ITGB2: variants seen among roughly 807,000 people sequenced by gnomAD.
ITGB2 encodes the protein integrin subunit beta 2, also known as integrin beta-2.
A neutral mutation model predicts 86.8 loss-of-function variants in ITGB2; 56 were observed. The observed-to-expected ratio is 0.65, with a 90% CI of 0.52 to 0.81. ITGB2 has a LOEUF of 0.81. Among genes scored for constraint, ITGB2 ranks in the 30% least tolerant of loss-of-function variants. The pLI is 0.00. For missense variants in ITGB2, 948 were observed against 1,061.2 expected, an observed-to-expected ratio of 0.89 and a Z score of 1.48; for synonymous variants, 457 against 450.4, an observed-to-expected ratio of 1.01 and a Z score of -0.19.
intron 14 of ITGB2, 44 bp downstream of exon 14, chr21:44,888,649 C>G: frequency 1.3e-6 from 2 of 1,593,712 alleles, no homozygotes; most frequent in Non-Finnish European, 1.7e-6. Context: ...GACCCCGCAG[C>G]CGGAGCTCTG....
chr21:44,888,405 T>TGGTGGGCCTGCC (rs1395811985), intron 14 of ITGB2, among the ~76,000 whole-genome samples: 5 of 152,270 alleles, frequency 3.3e-5, no homozygotes, highest in Non-Finnish European at 5.9e-5. Flanking sequence ...TGTGGCATGC[T>TGGTGGGCCTGCC]GGTGGGCCTG....
At position 44,899,131 on chromosome 21, in the gene ITGB2, T is replaced by G. The variant is rs1322584521; in HGVS notation, c.929A>C (p.Lys310Thr). 1 of 1,614,194 alleles carries G rather than the reference T, an allele frequency of 6.2e-7. No individual in the cohort carries two copies. The highest frequency in any genetic ancestry group is 8.5e-7 in the Non-Finnish European group (1 of 1,180,008). Residue 310 changes from lysine (K) to threonine (T), a missense_variant, in exon 8 of 16, where the codon AAG becomes ACG. Lys to Thr is a moderately conservative substitution (Grantham distance 78). Transcript: ENST00000652462. Reference protein sequence around the residue: ...DYPSVGQLAHKLAENNIQPIF... With the variant: ...DYPSVGQLAHTLAENNIQPIF... Reference sequence around the variant, plus strand: ...GGGCTGGATGTTGTTTTCAGCCAGCTTGTGCGCCAGCTGGCCCACCGATGG... The same window carrying G: ...GGGCTGGATGTTGTTTTCAGCCAGCGTGTGCGCCAGCTGGCCCACCGATGG...
chr21:44,925,108 C>T (rs1455253894), upstream of ITGB2, among the ~76,000 whole-genome samples: 4 of 150,834 alleles, frequency 2.7e-5, no homozygotes, highest in East Asian at 7.7e-4. Context: ...GCTCTCCATG[C>T]TGTTCTGTAT....
At chr21:44,915,087 G>C (rs1052123553) in intron 1 of ITGB2, among the ~76,000 whole-genome samples, 3 of 152,214 alleles carry the variant, frequency 2.0e-5, no homozygotes, top group South Asian at 2.1e-4. Flanking sequence ...GCAGTGGCGC[G>C]ATCTCAGCTC....
At chr21:44,927,255 G>A (rs2084384240) in intron 1 of ITGB2, among the ~76,000 whole-genome samples, 1 of 152,188 alleles carries the variant, frequency 6.6e-6, no homozygotes, top group African/African-American at 2.4e-5. Context: ...AGTGGGGAGA[G>A]GGTGGTTCCA....
At chr21:44,922,954 C>T (rs896434662), upstream of ITGB2, 3 of 152,218 alleles carry the variant, frequency 2.0e-5, no homozygotes, top group African/African-American at 7.2e-5. Flanking sequence ...AAAGAGAATA[C>T]CATTCTACTA....
intron 3 of ITGB2, chr21:44,909,209 G>A (rs1302154020): frequency 6.6e-6 from 1 of 152,412 alleles, no homozygotes; most frequent in East Asian, 1.9e-4. Context: ...GGGAGGCCGG[G>A]GGGATGCCGT....
intron 3 of ITGB2, among the ~76,000 whole-genome samples, chr21:44,907,435 T>C (rs1333900394): frequency 6.6e-6 from 1 of 152,208 alleles, no homozygotes; most frequent in African/African-American, 2.4e-5. Flanking sequence ...CTTCAAGCCC[T>C]TCATCAGCAG....
chr21:44,891,487 GC>G (rs2083784710), intron 11 of ITGB2, among the ~76,000 whole-genome samples: 1 of 152,202 alleles, frequency 6.6e-6, no homozygotes, highest in South Asian at 2.1e-4. Flanking sequence ...GACTCCTTGT[GC>G]CCCTGAGATG....
In ITGB2 at chr21:44,900,445, G is replaced by T; in HGVS notation, c.772C>A (p.Leu258Met). 6.2e-7 allele frequency: 1 copy of T among 1,614,014 alleles called. No individual in the cohort carries two copies. The highest frequency in any genetic ancestry group is 8.5e-7 in the Non-Finnish European group (1 of 1,179,958). Residue 258 changes from leucine (L) to methionine (M), a missense_variant, in exon 7 of 16, where the codon CTG becomes ATG. Transcript: ENST00000652462. ...EEIGWRNVTR[L>M]LVFATDDGFH... The stretch of plus-strand genomic sequence containing the variant: ...CCGTCATCAGTGGCAAACACCAGCA[G>T]CCGCGTGACGTTGCGCCAGCCGATT...
chr21:44,888,973 G>T, intron 13 of ITGB2, 78 bp from the exon 14 acceptor site: 2 of 1,364,534 alleles, frequency 1.5e-6, no homozygotes, highest in Middle Eastern at 2.4e-4. Context: ...TTGGGTGTGT[G>T]TCCACCAGGG....
At chr21:44,902,172 C>A (rs558358679) in intron 5 of ITGB2, among the ~76,000 whole-genome samples, 1 of 152,320 alleles carries the variant, frequency 6.6e-6, no homozygotes, top group African/African-American at 2.4e-5. Flanking sequence ...ACGTAGGTGA[C>A]CAGGTACATA....
intron 11 of ITGB2, 65 bp from the exon 12 acceptor site, chr21:44,890,287 C>A: frequency 6.2e-7 from 1 of 1,602,102 alleles, no homozygotes; most frequent in South Asian, 1.1e-5. Context: ...GACAGCCGCC[C>A]TGTCCTCCAG....
Position 44,886,223 on chromosome 21 carries a change from G to C in ITGB2, c.*145C>G. On this transcript the variant is annotated 3_prime_UTR_variant, in exon 16 of 16. Coordinates refer to ENST00000652462, the MANE Select transcript of ITGB2 (RefSeq NM_000211.5). ...GACGAGCCCCCAGAAGCACCCGGCC[G>C]GCCATGGCTGTCATTTTGAGGGCGG... The C allele has an allele frequency of 1.2e-6, 1 of 803,626 alleles. No homozygotes were observed. The highest frequency in any genetic ancestry group is 2.2e-6 in the Non-Finnish European group (1 of 464,886). The allele number at this position is 803,626 out of a possible 1,614,324, so 49.8% of individuals were successfully genotyped here. A position where few individuals can be genotyped will look rare whatever the true frequency, so the allele number is the denominator to read the frequency against.
chr21:44,909,420 G>C (rs569365222), intron 3 of ITGB2: 1 of 152,466 alleles, frequency 6.6e-6, no homozygotes, highest in South Asian at 2.1e-4. Flanking sequence ...CCCAAGGACA[G>C]GAAAGACAAA....
chr21:44,903,255 C>T (rs2083991773), intron 5 of ITGB2, 110 bp downstream of exon 5: 2 of 1,399,496 alleles, frequency 1.4e-6, no homozygotes, highest in Non-Finnish European at 2.0e-6. Context: ...CATCTGGGGC[C>T]CCCAGATCTA....
rs568496327 is a variant in ITGB2, at chr21:44,897,998, C to T, written c.993+1069G>A. Among the ~76,000 whole-genome samples the T allele has an allele frequency of 2.0e-5, 3 of 152,332 alleles. No individual in the cohort carries two copies. The East Asian group carries it at 5.8e-4, about 29-fold the overall frequency. ...ACACATGCCAAAGAGTGGTAGACCC[C>T]GGCTGAGCTCCTGAGAGGTAGCCTC... On this transcript the variant is annotated intron_variant, in intron 8 of 15. Coordinates refer to ENST00000652462, the MANE Select transcript of ITGB2 (RefSeq NM_000211.5).
chr21:44,926,629 C>A (rs1047702583), intron 1 of ITGB2, among the ~76,000 whole-genome samples: 1 of 152,192 alleles, frequency 6.6e-6, no homozygotes, highest in East Asian at 1.9e-4. Flanking sequence ...GTCAGGTGGG[C>A]GAAACTGGCC....
In ITGB2 at chr21:44,886,208, C is replaced by A. The variant is rs1024527798; in HGVS notation, c.*160G>T. The A allele has an allele frequency of 2.1e-5, 15 of 718,364 alleles. No individual in the cohort carries two copies. Among genetic ancestry groups the A allele is most frequent in the Non-Finnish European group, 3.5e-5 (14 of 401,918 alleles). The allele number at this position is 718,364 out of a possible 1,614,324, so 44.5% of individuals were successfully genotyped here. ...TGGAGCTGTCCCCCCGACGAGCCCCCAGAAGCACCCGGCCGGCCATGGCTG... is the reference window on the plus strand; with the variant it reads ...TGGAGCTGTCCCCCCGACGAGCCCCAAGAAGCACCCGGCCGGCCATGGCTG... On this transcript the variant is annotated 3_prime_UTR_variant, in exon 16 of 16. Transcript: ENST00000652462.
Sources: allele counts gnomAD v4.1 joint callset (sites outside exome capture counted in the v4.1 genomes callset), GRCh38; gene constraint gnomAD v4.1.1; transcripts MANE v1.5; gene names NCBI Gene and HGNC (gene_info 2026-07-23, HGNC 2026-07-21).